TBX1: variants seen among roughly 807,000 people sequenced by gnomAD.
The protein encoded by TBX1 is T-box transcription factor TBX1.
TBX1 carries 16 observed loss-of-function variants against 40.8 expected under a neutral mutation model. That is an observed-to-expected ratio of 0.39 (90% confidence interval 0.27 to 0.60). The LOEUF (loss-of-function observed/expected upper bound fraction) is 0.60. Among genes scored for constraint, TBX1 ranks in the 20% least tolerant of loss-of-function variants. The probability of loss-of-function intolerance (pLI) is 0.51; values close to 1 mark genes in which losing one functional copy is unlikely to be tolerated. For synonymous variants in TBX1, 403 were observed against 336.8 expected, an observed-to-expected ratio of 1.20 and a Z score of -2.15; for missense variants, 755 against 728.5, an observed-to-expected ratio of 1.04 and a Z score of -0.42.
At chr22:19,769,881 G>A (rs1193005518), downstream of TBX1, among the ~76,000 whole-genome samples, 2 of 152,236 alleles carry the variant, frequency 1.3e-5, no homozygotes, top group Admixed American at 6.5e-5. Context: ...ATAAGCCACC[G>A]GGCCTATGGT....
chr22:19,769,997 T>C (rs1936961817), downstream of TBX1, among the ~76,000 whole-genome samples: 1 of 152,204 alleles, frequency 6.6e-6, no homozygotes, highest in Admixed American at 6.5e-5. Context: ...GCCCCTTCTG[T>C]AAGCTGCTGT....
chr22:19,766,640 G>T lies in TBX1; in HGVS notation c.1288G>T (p.Ala430Ser). The stretch of plus-strand genomic sequence containing the variant: ...CCACCACCCCTACAAATATCCGGCC[G>T]CCGCCTACGACCACTATCTCGGGGC... ...LHHHPYKYPA[A>S]AYDHYLGAKS... The change falls in exon 7 of 7, where the codon GCC (alanine) becomes TCC (serine). Residue 430 changes from alanine to serine, a missense_variant. Transcript: ENST00000649276. The T allele has an allele frequency of 6.4e-7, 1 of 1,550,896 alleles. No individual in the cohort carries two copies.
At chr22:19,761,862 T>C (rs1936678151) in intron 1 of TBX1, among the ~76,000 whole-genome samples, 1 of 152,246 alleles carries the variant, frequency 6.6e-6, no homozygotes, top group Non-Finnish European at 1.5e-5. Context: ...TTGTGGGGCC[T>C]GGCTCTGTAT....
chr22:19,766,068 C>T (rs1272921735), intron 6 of TBX1, 66 bp downstream of exon 6: 1 of 1,296,686 alleles, frequency 7.7e-7, no homozygotes, highest in Non-Finnish European at 1.0e-6. Context: ...CCGGCGGCCT[C>T]GCCCGACCTC....
Position 19,760,824 on chromosome 22 carries a change from G to C in TBX1, c.-20G>C, listed in dbSNP as rs1261246856. The C allele has an allele frequency of 3.7e-6, 3 of 807,072 alleles. No individual in the cohort carries two copies. In the East Asian group the frequency reaches 3.8e-4, roughly 102 times the overall value. The allele number at this position is 807,072 out of a possible 1,614,324, so 50.0% of individuals were successfully genotyped here. A position where few individuals can be genotyped will look rare whatever the true frequency, so the allele number is the denominator to read the frequency against. The stretch of plus-strand genomic sequence containing the variant: ...AGCGCTCAGCTTGGTGGCGGGGGCG[G>C]CGGCGGCGGCCCGCGGGTCATGATC... On this transcript the variant is annotated 5_prime_UTR_variant, in exon 1 of 7. Transcript: ENST00000649276.
chr22:19,760,301 G>C (rs1052582494), upstream of TBX1, among the ~76,000 whole-genome samples: 42 of 149,368 alleles, frequency 2.8e-4, no homozygotes, highest in Non-Finnish European at 3.0e-5. Flanking sequence ...GACAAAGAAT[G>C]ATTAAAAATA....
intron 8 of TBX1, among the ~76,000 whole-genome samples, chr22:19,774,024 G>C (rs1367130164): frequency 5.3e-5 from 8 of 152,218 alleles, no homozygotes; most frequent in Non-Finnish European, 2.9e-5. Context: ...TACCCAGAAG[G>C]TGATTCAAGG....
upstream of TBX1, among the ~76,000 whole-genome samples, chr22:19,759,307 G>T (rs934086841): frequency 6.6e-6 from 1 of 152,236 alleles, no homozygotes; most frequent in Non-Finnish European, 1.5e-5. Flanking sequence ...CACCCGTCTG[G>T]GCCCCTCGGC....
rs746993005 is a variant in TBX1, at chr22:19,760,930, C to T, written c.87C>T (p.Ser29=). The change falls in exon 1 of 7, where the codon AGC becomes AGT. Residue 29 remains serine, a synonymous_variant. Transcript: ENST00000649276. The part of the protein sequence containing the change: ...VAAFTASSLS[S]LGAAGGFPGA... ...CCTTCACGGCCAGCAGCCTGAGCAGCCTGGGGGCCGCGGGGGGCTTCCCGG... is the reference window on the plus strand; with the variant it reads ...CCTTCACGGCCAGCAGCCTGAGCAGTCTGGGGGCCGCGGGGGGCTTCCCGG... 1 of 1,027,042 alleles carries T rather than the reference C, an allele frequency of 9.7e-7. No individual in the cohort carries two copies. The highest frequency in any genetic ancestry group is 3.0e-5 in the South Asian group (1 of 32,790). 63.6% of individuals were successfully genotyped at this position (1,027,042 alleles called of 1,614,324 possible).
In TBX1 at chr22:19,765,041, C is replaced by A; in HGVS notation, c.795C>A (p.Ala265=). The change falls in exon 4 of 7, where the codon GCC becomes GCA. Residue 265 remains alanine (A), a synonymous_variant. Transcript: ENST00000649276. The part of the protein sequence containing the change: ...VDPRKDSEKY[A]EENFKTFVFE... The stretch of plus-strand genomic sequence containing the variant: ...CACGCAAAGATAGCGAGAAATATGC[C>A]GAGGAGAACTTCAAAACCTTTGTGT... 6.2e-7 allele frequency: 1 copy of A among 1,614,180 alleles called. No individual in the cohort carries two copies. The highest frequency in any genetic ancestry group is 1.3e-5 in the African/African-American group (1 of 75,052).
Position 19,760,858 on chromosome 22 carries a change from G to A in TBX1, c.15G>A (p.Val5=). The change falls in exon 1 of 7, where the codon GTG becomes GTA. Residue 5 remains valine (V), a synonymous_variant. Coordinates refer to ENST00000649276, the MANE Select transcript of TBX1 (RefSeq NM_001379200.1). ...GCCCGCGGGTCATGATCTCCGCCGT[G>A]TCCAGCCCGTGGCTCACGCAGCTCT... MISA[V]SSPWLTQLSH... The A allele has an allele frequency of 9.8e-7, 1 of 1,025,224 alleles. No homozygotes were observed. Among genetic ancestry groups the A allele is most frequent in the Admixed American group, 4.8e-5 (1 of 21,034 alleles). The allele number at this position is 1,025,224 out of a possible 1,614,324, so 63.5% of individuals were successfully genotyped here.
chr22:19,766,640 G>A lies in TBX1; in HGVS notation c.1288G>A (p.Ala430Thr), dbSNP rs779087360. Residue 430 changes from alanine (A) to threonine (T), a missense_variant, in exon 7 of 7, where the codon GCC becomes ACC. Physicochemically the swap from Ala to Thr is moderately conservative, Grantham distance 58 (BLOSUM62 0). This residue lies in a region of TBX1 where 412 missense variants were observed against 317.6 expected (regional missense o/e 1.30). Coordinates refer to ENST00000649276, the MANE Select transcript of TBX1 (RefSeq NM_001379200.1). ...LHHHPYKYPA[A>T]AYDHYLGAKS... ...CCACCACCCCTACAAATATCCGGCC[G>A]CCGCCTACGACCACTATCTCGGGGC... The A allele has an allele frequency of 1.9e-6, 3 of 1,550,896 alleles. No individual in the cohort carries two copies. Among genetic ancestry groups the A allele is most frequent in the South Asian group, 1.2e-5 (1 of 86,062 alleles).
intron 8 of TBX1, among the ~76,000 whole-genome samples, chr22:19,772,734 G>A (rs955755618): frequency 1.3e-5 from 2 of 152,098 alleles, no homozygotes; most frequent in African/African-American, 4.8e-5. Context: ...ATCACAGAAC[G>A]AAGATGGTGA....
chr22:19,773,069 T>C (rs1937014100), intron 8 of TBX1, among the ~76,000 whole-genome samples: 2 of 152,208 alleles, frequency 1.3e-5, no homozygotes, highest in African/African-American at 4.8e-5. Flanking sequence ...CTGGTGGCAT[T>C]GTTCCTCCAC....
intron 1 of TBX1, among the ~76,000 whole-genome samples, chr22:19,762,012 G>T (rs1221012473): frequency 6.6e-6 from 1 of 152,252 alleles, no homozygotes; most frequent in African/African-American, 2.4e-5. Context: ...ACACCAGCTC[G>T]GAGTCCGAAC....
downstream of TBX1, among the ~76,000 whole-genome samples, chr22:19,771,432 CTG>C (rs1936988527): frequency 6.6e-6 from 1 of 152,242 alleles, no homozygotes. Flanking sequence ...GCTGCCAGGT[CTG>C]TGTGTGGGAA....
At chr22:19,764,616 T>C (rs1304630942) in intron 3 of TBX1, among the ~76,000 whole-genome samples, 2 of 152,192 alleles carry the variant, frequency 1.3e-5, no homozygotes, top group East Asian at 3.9e-4. Flanking sequence ...CCACTCCTGA[T>C]TTTATGCAGG....
chr22:19,764,533 C>T (rs540329697), intron 3 of TBX1, among the ~76,000 whole-genome samples: 10 of 152,340 alleles, frequency 6.6e-5, no homozygotes, highest in East Asian at 3.9e-4. Flanking sequence ...ATGAGGAGAG[C>T]GGCCTCTGGT....
chr22:19,769,036 C>T (rs1936944373), downstream of TBX1, among the ~76,000 whole-genome samples: 1 of 146,480 alleles, frequency 6.8e-6, no homozygotes, highest in Non-Finnish European at 1.5e-5. Flanking sequence ...TCTCGGCTCA[C>T]TGCAACCTCC....
Sources: gnomAD v4.1 joint callset for allele counts (sites outside exome capture counted in the v4.1 genomes callset) on GRCh38, gnomAD v4.1.1 for gene constraint, gnomAD v4.1.1 regional missense constraint, MANE v1.5 for transcripts, NCBI Gene and HGNC (gene_info 2026-07-23, HGNC 2026-07-21) for gene names.